The following XKR6 variants were observed in gnomAD, a reference collection of about 807,000 sequenced individuals.
XKR6 encodes the protein XK-related protein 6.
A neutral mutation model predicts 56.7 loss-of-function variants in XKR6; 22 were observed. The ratio of observed to expected loss-of-function variants is 0.39; its 90% CI spans 0.28 to 0.55. The LOEUF (loss-of-function observed/expected upper bound fraction) is 0.55, where lower values mean the gene tolerates loss of function less well. Among genes scored for constraint, XKR6 ranks in the 20% least tolerant of loss-of-function variants. The pLI is 0.66. For missense variants in XKR6, 852 were observed against 889.0 expected (o/e 0.96, Z 0.53); for synonymous variants, 524 against 387.8 (o/e 1.35, Z -4.13).
At chr8:11,135,272 G>A (rs945481307) in intron 1 of XKR6, among the ~76,000 whole-genome samples, 16 of 152,010 alleles carry the variant, frequency 1.1e-4, no homozygotes, top group Non-Finnish European at 1.5e-4. Flanking sequence ...CTCGTGATCC[G>A]CCAGTCTCAG....
At chr8:11,173,161 C>A (rs1435758368) in intron 1 of XKR6, among the ~76,000 whole-genome samples, 3 of 150,778 alleles carry the variant, frequency 2.0e-5, no homozygotes, top group Non-Finnish European at 3.0e-5. Context: ...CGGTGAAACC[C>A]CGTCTCCACT....
intron 1 of XKR6, among the ~76,000 whole-genome samples, chr8:11,121,977 T>A (rs1052385024): frequency 6.6e-6 from 1 of 152,174 alleles, no homozygotes; most frequent in African/African-American, 2.4e-5. Flanking sequence ...TAGGTGGGAA[T>A]TGAACAATAA....
intron 1 of XKR6, among the ~76,000 whole-genome samples, chr8:11,130,607 C>T (rs986237170): frequency 5.3e-5 from 8 of 150,904 alleles, no homozygotes; most frequent in African/African-American, 1.9e-4. Flanking sequence ...TTTTCTCCCT[C>T]GCCGGTTTTT....
At chr8:10,989,694 A>G (rs991450276) in intron 1 of XKR6, among the ~76,000 whole-genome samples, 2 of 152,242 alleles carry the variant, frequency 1.3e-5, no homozygotes, top group Admixed American at 6.5e-5. Flanking sequence ...ATGTTAAACA[A>G]TACATGCAAA....
intron 1 of XKR6, among the ~76,000 whole-genome samples, chr8:11,093,055 TC>T (rs1339849102): frequency 5.3e-5 from 8 of 150,142 alleles, no homozygotes; most frequent in African/African-American, 1.7e-4. Context: ...TCTTTCTTTT[TC>T]TTTTCTTTCT....
chr8:10,914,156 G>A (rs936239753), intron 2 of XKR6, among the ~76,000 whole-genome samples: 2 of 145,336 alleles, frequency 1.4e-5, no homozygotes, highest in Admixed American at 6.7e-5. Context: ...AAAAGGTGAG[G>A]CTCAGAGAGT....
chr8:11,094,594 A>G lies in XKR6; in HGVS notation c.764+105982T>C, dbSNP rs144154197. ...CTCCTGGGAACCCTCTGTCTCCCAA[A>G]TACCCCACTTCAAATCATCCACTGC... On this transcript the variant is annotated intron_variant, in intron 1 of 2. Coordinates refer to ENST00000416569, the MANE Select transcript of XKR6 (RefSeq NM_173683.4). Among the ~76,000 whole-genome samples the G allele has an allele frequency of 2.0e-5, 3 of 152,248 alleles. No homozygotes were observed. The East Asian group carries it at 5.8e-4, about 29-fold the overall frequency.
rs1221865107 is a variant in XKR6, at chr8:11,201,502, C to T, written c.-163G>A. Reference sequence around the variant, plus strand: ...GGGGGAGTGGGCCAGGGAACCCCCTCCGCTTCCGGGTAGTTGGCGTCACTT... The same window carrying T: ...GGGGGAGTGGGCCAGGGAACCCCCTTCGCTTCCGGGTAGTTGGCGTCACTT... On this transcript the variant is annotated 5_prime_UTR_variant, in exon 1 of 3. Coordinates refer to ENST00000416569, the MANE Select transcript of XKR6 (RefSeq NM_173683.4). 1.1e-5 allele frequency: 6 copies of T among 561,702 alleles called. No individual in the cohort carries two copies. Among genetic ancestry groups the T allele is most frequent in the Non-Finnish European group, 1.9e-5 (6 of 321,662 alleles). 34.8% of individuals were successfully genotyped at this position (561,702 alleles called of 1,614,324 possible).
chr8:11,155,080 C>G (rs758629977), intron 1 of XKR6, among the ~76,000 whole-genome samples: 7 of 152,172 alleles, frequency 4.6e-5, no homozygotes, highest in Non-Finnish European at 8.8e-5. Flanking sequence ...TGGTTTCATC[C>G]TGAGGCCCCC....
At position 11,033,160 on chromosome 8, in the gene XKR6, TTGA is replaced by T. The variant is rs535549956; in HGVS notation, c.765-108333_765-108331del. Among the ~76,000 whole-genome samples the T allele has an allele frequency of 3.5e-3, 533 of 150,328 alleles. 11 individuals carry two copies. The highest frequency in any genetic ancestry group is 0.012 in the African/African-American group (471 of 40,790). On this transcript the variant is annotated intron_variant, in intron 1 of 2. Coordinates refer to ENST00000416569, the MANE Select transcript of XKR6 (RefSeq NM_173683.4). ...GATGATGGTAATGGTGATGAAGGGG[TTGA>T]TGATGATGGTAATGGTGGTGAGGAT...
At chr8:11,013,901 G>C (rs140841058) in intron 1 of XKR6, among the ~76,000 whole-genome samples, 318 of 152,340 alleles carry the variant, frequency 2.1e-3, no homozygotes, top group Middle Eastern at 6.8e-3. Flanking sequence ...AGCCCCTCAT[G>C]GGAGGGTCCC....
In XKR6 at chr8:10,932,999, A is replaced by G. The variant is rs528063165; in HGVS notation, c.765-8169T>C. 4.1e-4 allele frequency among the ~76,000 whole-genome samples: 62 copies of G among 151,548 alleles called. 1 individual carries two copies. Among genetic ancestry groups the G allele is most frequent in the African/African-American group, 1.4e-3 (58 of 41,136 alleles). On this transcript the variant is annotated intron_variant, in intron 1 of 2. Coordinates refer to ENST00000416569, the MANE Select transcript of XKR6 (RefSeq NM_173683.4). ...AGTTCTAGATCCCTGAGGAATCCCC[A>G]CACTGACTTCCACAACGGTTGAACT...
intron 1 of XKR6, among the ~76,000 whole-genome samples, chr8:10,975,497 A>G (rs1357066651): frequency 6.6e-5 from 10 of 152,208 alleles, no homozygotes; most frequent in South Asian, 2.1e-4. Context: ...GAGAGTTTCC[A>G]TGCCCTCGCC....
chr8:11,114,472 C>T (rs746397957), intron 1 of XKR6, among the ~76,000 whole-genome samples: 11 of 152,166 alleles, frequency 7.2e-5, no homozygotes, highest in Non-Finnish European at 1.3e-4. Context: ...AGCGATTCTC[C>T]TGCCTCAGCC....
intron 2 of XKR6, among the ~76,000 whole-genome samples, chr8:10,920,997 C>T (rs1444033326): frequency 6.6e-6 from 1 of 152,270 alleles, no homozygotes; most frequent in Non-Finnish European, 1.5e-5. Context: ...GGAGGGGCTT[C>T]CCTGGGGTGA....
At chr8:11,184,002 G>T (rs1451164543) in intron 1 of XKR6, among the ~76,000 whole-genome samples, 2 of 152,114 alleles carry the variant, frequency 1.3e-5, no homozygotes, top group African/African-American at 2.4e-5. Context: ...CACTGTAAGG[G>T]CAAGACTGAG....
intron 1 of XKR6, among the ~76,000 whole-genome samples, chr8:10,946,811 G>A (rs1277519938): frequency 2.0e-5 from 3 of 152,116 alleles, no homozygotes; most frequent in Admixed American, 6.5e-5. Flanking sequence ...TGGAACAGCA[G>A]GAAAGGCTTC....
intron 1 of XKR6, among the ~76,000 whole-genome samples, chr8:11,154,221 T>C (rs1027531077): frequency 2.6e-5 from 4 of 152,236 alleles, no homozygotes; most frequent in Admixed American, 1.3e-4. Context: ...GCTCACACGA[T>C]ACCAGTAGAC....
intron 1 of XKR6, among the ~76,000 whole-genome samples, chr8:11,176,875 C>T (rs1032678502): frequency 6.6e-6 from 1 of 152,182 alleles, no homozygotes; most frequent in African/African-American, 2.4e-5. Flanking sequence ...CAGCAAGATG[C>T]CCCTGCCACC....
Sources: gnomAD v4.1 joint callset for allele counts (sites outside exome capture counted in the v4.1 genomes callset) on GRCh38, gnomAD v4.1.1 for gene constraint, MANE v1.5 for transcripts, NCBI Gene and HGNC (gene_info 2026-07-23, HGNC 2026-07-21) for gene names.